The following JAZF1 variants were observed in gnomAD, a reference collection of about 807,000 sequenced individuals.
The protein encoded by JAZF1 is juxtaposed with another zinc finger protein 1.
A neutral mutation model predicts 26.4 loss-of-function variants in JAZF1; 8 were observed. The observed-to-expected ratio is 0.30, with a 90% CI of 0.18 to 0.55. The LOEUF is 0.55. Ranked by LOEUF, JAZF1 falls within the 20% of genes least tolerant of loss-of-function variation. The pLI is 0.94. For missense variants in JAZF1, 199 were observed against 322.0 expected (o/e 0.62, Z 2.92); for synonymous variants, 126 against 122.3 (o/e 1.03, Z -0.20).
intron 3 of JAZF1, among the ~76,000 whole-genome samples, chr7:27,852,778 C>A (rs920320356): frequency 1.3e-5 from 2 of 152,212 alleles, no homozygotes; most frequent in Non-Finnish European, 2.9e-5. Context: ...ACACTTTATA[C>A]TATCTTCCCC....
At chr7:27,909,002 T>TATTCATTCATTCATTCATTCATTC (rs71555720) in intron 2 of JAZF1, among the ~76,000 whole-genome samples, 15 of 151,168 alleles carry the variant, frequency 9.9e-5, no homozygotes, top group African/African-American at 3.2e-4. Flanking sequence ...ACTTGAATAA[T>TATTCATTCATTCATTCATTCATTC]ATTCATTCAT....
chr7:28,148,624 A>AAACT (rs1421187228), intron 1 of JAZF1, among the ~76,000 whole-genome samples: 2 of 152,260 alleles, frequency 1.3e-5, no homozygotes, highest in Admixed American at 1.3e-4. Context: ...GAGGCCTAAG[A>AAACT]AACTGTTGCA....
intron 1 of JAZF1, among the ~76,000 whole-genome samples, chr7:28,093,406 C>T (rs563119727): frequency 3.3e-5 from 5 of 152,318 alleles, no homozygotes; most frequent in South Asian, 4.1e-4. Flanking sequence ...CCCAGCTACA[C>T]GGAACTGTGA....
rs1274487046 is a variant in JAZF1, at chr7:27,840,647, AGCTTGCCCTGTTTCCAT to A, written c.555+34_555+50del. 6.3e-7 allele frequency: 1 copy of A among 1,580,952 alleles called. No individual in the cohort carries two copies. The highest frequency in any genetic ancestry group is 8.7e-7 in the Non-Finnish European group (1 of 1,154,896). On this transcript the variant is annotated intron_variant, in intron 4 of 4. Coordinates refer to ENST00000283928, the MANE Select transcript of JAZF1 (RefSeq NM_175061.4). The surrounding 1 kb of genome is among the most constrained non-coding windows in gnomAD (Gnocchi z 5.1). ...AAGAAAGGGCTGCTGCCTTCCATGA[AGCTTGCCCTGTTTCCAT>A]GTGGTTATGCCAAGCATGCAGCACC...
At chr7:28,037,421 G>A (rs1444152046) in intron 1 of JAZF1, among the ~76,000 whole-genome samples, 2 of 152,118 alleles carry the variant, frequency 1.3e-5, no homozygotes, top group African/African-American at 4.8e-5. Context: ...AACCTTGGTC[G>A]AGTTTTATGA....
intron 1 of JAZF1, among the ~76,000 whole-genome samples, chr7:28,034,469 TACACAC>T (rs59979673): frequency 0.024 from 3,522 of 145,378 alleles, 141 homozygotes; most frequent in African/African-American, 0.083. Context: ...AGAAAACTAA[TACACAC>T]ACACACACAC....
chr7:28,085,489 G>A (rs1339114805), intron 1 of JAZF1, among the ~76,000 whole-genome samples: 1 of 152,134 alleles, frequency 6.6e-6, no homozygotes, highest in African/African-American at 2.4e-5. Flanking sequence ...CTACAAATAG[G>A]TAAAGGGAAC....
At chr7:28,152,556 T>C (rs1382255539) in intron 1 of JAZF1, among the ~76,000 whole-genome samples, 1 of 152,124 alleles carries the variant, frequency 6.6e-6, no homozygotes. Flanking sequence ...CTATCTCCCA[T>C]TGACTCAGAA....
chr7:27,993,143 C>T (rs557809341), intron 1 of JAZF1, among the ~76,000 whole-genome samples: 4 of 152,328 alleles, frequency 2.6e-5, no homozygotes, highest in African/African-American at 9.6e-5. Context: ...CTCATGTTCA[C>T]TTTATTGTTT....
At chr7:27,931,198 G>T (rs1206577406) in intron 2 of JAZF1, among the ~76,000 whole-genome samples, 1 of 152,204 alleles carries the variant, frequency 6.6e-6, no homozygotes, top group East Asian at 1.9e-4. Flanking sequence ...TATTTCTGCT[G>T]CAATGACTTC....
At chr7:27,905,508 T>C (rs1356400561) in intron 2 of JAZF1, among the ~76,000 whole-genome samples, 1 of 151,708 alleles carries the variant, frequency 6.6e-6, no homozygotes, top group Admixed American at 6.6e-5. Context: ...AGGTGATCTT[T>C]CCTTCATCTA....
intron 1 of JAZF1, among the ~76,000 whole-genome samples, chr7:28,132,569 G>T (rs1782813000): frequency 6.6e-6 from 1 of 152,252 alleles, no homozygotes; most frequent in African/African-American, 2.4e-5. Flanking sequence ...TACACATAAG[G>T]AAGCAATTTC....
At position 27,982,408 on chromosome 7, in the gene JAZF1, C is replaced by T. The variant is rs372657487; in HGVS notation, c.188+9501G>A. ...GGCGGCAGCGAGGCTGGGGGAGGGG[C>T]GTCCGCCACTGCTGAGGCTTGAGTA... On this transcript the variant is annotated intron_variant, in intron 2 of 4. Transcript: ENST00000283928. Among the ~76,000 whole-genome samples, 35 of 152,264 alleles carry T rather than the reference C, an allele frequency of 2.3e-4. 1 individual carries two copies. The highest frequency in any genetic ancestry group is 8.2e-4 in the African/African-American group (34 of 41,562).
At chr7:27,892,477 G>A (rs1783989681) in intron 3 of JAZF1, among the ~76,000 whole-genome samples, 1 of 152,128 alleles carries the variant, frequency 6.6e-6, no homozygotes, top group Non-Finnish European at 1.5e-5. Context: ...TGGGGTCCTA[G>A]GCACCCGTCA....
At chr7:28,177,178 C>G (rs1023076930) in intron 1 of JAZF1, among the ~76,000 whole-genome samples, 4 of 151,980 alleles carry the variant, frequency 2.6e-5, no homozygotes, top group Admixed American at 2.6e-4. Context: ...TACACTGAGA[C>G]AGGTACTCCA....
chr7:28,023,985 C>T lies in JAZF1; in HGVS notation c.116-32004G>A, dbSNP rs981801033. Reference sequence around the variant, plus strand: ...AAGAAGAGCAGAAAGTCAGGAGCGGCAGTAAAAGAAATATCTAGGGCTAGG... The same window carrying T: ...AAGAAGAGCAGAAAGTCAGGAGCGGTAGTAAAAGAAATATCTAGGGCTAGG... On this transcript the variant is annotated intron_variant, in intron 1 of 4. Transcript: ENST00000283928. 1.1e-4 allele frequency among the ~76,000 whole-genome samples: 16 copies of T among 151,874 alleles called. 1 individual carries two copies. Among genetic ancestry groups the T allele is most frequent in the Admixed American group, 9.8e-4 (15 of 15,240 alleles).
At chr7:27,883,565 C>T (rs1198295630) in intron 3 of JAZF1, among the ~76,000 whole-genome samples, 1 of 152,208 alleles carries the variant, frequency 6.6e-6, no homozygotes, top group Non-Finnish European at 1.5e-5. Flanking sequence ...TAAGTGCCTG[C>T]CCGTCAGAGA....
intron 1 of JAZF1, among the ~76,000 whole-genome samples, chr7:28,175,553 G>A (rs757630155): frequency 2.0e-5 from 3 of 152,198 alleles, no homozygotes; most frequent in Non-Finnish European, 2.9e-5. Context: ...GGCATAGTAC[G>A]GTTAATTTGC....
chr7:27,959,541 T>C (rs1785154847), intron 2 of JAZF1, among the ~76,000 whole-genome samples: 1 of 152,324 alleles, frequency 6.6e-6, no homozygotes, highest in Non-Finnish European at 1.5e-5. Flanking sequence ...TCTTCTAAAG[T>C]ACCTGGCACC....
Sources: gnomAD v4.1 joint callset for allele counts (sites outside exome capture counted in the v4.1 genomes callset) on GRCh38, gnomAD v4.1.1 for gene constraint, Gnocchi (gnomAD v3.1) non-coding constraint, MANE v1.5 for transcripts, NCBI Gene and HGNC (gene_info 2026-07-23, HGNC 2026-07-21) for gene names.